The following FLRT1 variants were observed in gnomAD, a reference collection of about 807,000 sequenced individuals.
FLRT1 encodes fibronectin leucine rich transmembrane protein 1, also known as leucine-rich repeat transmembrane protein FLRT1.
Under a neutral mutation model 30.9 loss-of-function variants are expected in FLRT1, and 14 were observed. The ratio of observed to expected loss-of-function variants is 0.45; its 90% CI spans 0.30 to 0.71. FLRT1 has a LOEUF of 0.71. Among genes scored for constraint, FLRT1 ranks in the 30% least tolerant of loss-of-function variants. FLRT1 has a pLI of 0.08. For missense variants in FLRT1, 737 were observed against 949.2 expected (o/e 0.78, Z 2.94); for synonymous variants, 368 against 430.4 (o/e 0.85, Z 1.80).
Position 64,117,113 on chromosome 11 carries a change from C to A in FLRT1, c.846C>A (p.Ile282=). The change falls in exon 3 of 3, where the codon ATC becomes ATA. Residue 282 remains isoleucine, a synonymous_variant. Transcript: ENST00000682287. ...AGCTCTACCTGCAGGACAATGCCAT[C>A]AGCCACATCCCCTACAACACGCTGG... ...LQKLYLQDNA[I]SHIPYNTLAK... 6.2e-7 allele frequency: 1 copy of A among 1,608,796 alleles called. No individual in the cohort carries two copies. Among genetic ancestry groups the A allele is most frequent in the Non-Finnish European group, 8.5e-7 (1 of 1,177,552 alleles).
chr11:64,114,432 A>AATGG (rs141357642), intron 2 of FLRT1, among the ~76,000 whole-genome samples: 77 of 112,376 alleles, frequency 6.9e-4, no homozygotes, highest in African/African-American at 2.1e-3. Flanking sequence ...GGGATGGTTG[A>AATGG]ATGGATGGAT....
At chr11:64,110,224 C>A (rs1360168220) in intron 2 of FLRT1, among the ~76,000 whole-genome samples, 1 of 152,052 alleles carries the variant, frequency 6.6e-6, no homozygotes, top group African/African-American at 2.4e-5. Context: ...CTGAAGTGGG[C>A]AGATTGCTTG....
chr11:64,055,959 C>T (rs1005125095), intron 1 of FLRT1, among the ~76,000 whole-genome samples: 64 of 152,304 alleles, frequency 4.2e-4, no homozygotes, highest in East Asian at 1.9e-3. Context: ...TATCAGCACC[C>T]GGGGAGCTCC....
intron 1 of FLRT1, among the ~76,000 whole-genome samples, chr11:64,083,307 G>C (rs1944335518): frequency 6.6e-6 from 1 of 152,116 alleles, no homozygotes; most frequent in Non-Finnish European, 1.5e-5. Context: ...ATGGTGGTGG[G>C]CACCTATAGT....
rs545633028 is a variant in FLRT1, at chr11:64,090,169, C to A, written c.-1037-13025C>A. On this transcript the variant is annotated intron_variant, in intron 1 of 2. Transcript: ENST00000682287. This position sits in a 1 kb window ranked among gnomAD's most constrained non-coding sequence, Gnocchi z 4.7. Reference sequence around the variant, plus strand: ...ACTCATCTCTGCCTGTCTTCCCAGGCCCCAGGTTTCAGGCCCCGAACAGCC... The same window carrying A: ...ACTCATCTCTGCCTGTCTTCCCAGGACCCAGGTTTCAGGCCCCGAACAGCC... Among the ~76,000 whole-genome samples the A allele has an allele frequency of 3.6e-3, 553 of 152,286 alleles. 1 individual carries two copies. Among genetic ancestry groups the A allele is most frequent in the Admixed American group, 6.1e-3 (94 of 15,296 alleles).
At chr11:64,078,159 T>C (rs1291930826) in intron 1 of FLRT1, among the ~76,000 whole-genome samples, 1 of 152,158 alleles carries the variant, frequency 6.6e-6, no homozygotes, top group African/African-American at 2.4e-5. Flanking sequence ...TCAACCCTCC[T>C]TGTGCCCAGC....
intron 2 of FLRT1, among the ~76,000 whole-genome samples, chr11:64,106,836 C>T (rs546807222): frequency 1.2e-4 from 18 of 152,300 alleles, no homozygotes; most frequent in Middle Eastern, 3.4e-3. Flanking sequence ...AGACCTTTAG[C>T]CCCTCTCCTT....
chr11:64,048,623 C>T (rs914861925), intron 1 of FLRT1, among the ~76,000 whole-genome samples: 1 of 152,206 alleles, frequency 6.6e-6, no homozygotes, highest in Admixed American at 6.5e-5. Flanking sequence ...TCTTACTGTT[C>T]CTGCCGCTAA....
At chr11:64,084,194 T>TC (rs1944353625) in intron 1 of FLRT1, among the ~76,000 whole-genome samples, 1 of 151,974 alleles carries the variant, frequency 6.6e-6, no homozygotes, top group Admixed American at 6.5e-5. Flanking sequence ...TGCCTCCCCC[T>TC]CCTCTCAGCC....
intron 1 of FLRT1, among the ~76,000 whole-genome samples, chr11:64,051,442 C>G (rs1357925405): frequency 6.6e-6 from 1 of 152,192 alleles, no homozygotes; most frequent in African/African-American, 2.4e-5. Context: ...CCCACCCTCC[C>G]CAGGGTGGCA....
At chr11:64,066,691 T>G (rs1199238068) in intron 1 of FLRT1, among the ~76,000 whole-genome samples, 1 of 152,040 alleles carries the variant, frequency 6.6e-6, no homozygotes, top group Admixed American at 6.5e-5. Context: ...TTCTGAGATG[T>G]CTGCCTGCAA....
chr11:64,073,064 G>C (rs1373332167), intron 1 of FLRT1, among the ~76,000 whole-genome samples: 1 of 152,216 alleles, frequency 6.6e-6, no homozygotes, highest in Non-Finnish European at 1.5e-5. Flanking sequence ...TGACGGCACA[G>C]AGCCACTTGT....
chr11:64,056,294 T>C (rs1157037647), intron 1 of FLRT1, among the ~76,000 whole-genome samples: 3 of 152,058 alleles, frequency 2.0e-5, no homozygotes, highest in Non-Finnish European at 4.4e-5. Flanking sequence ...GGGTCCCTGC[T>C]GCAGCCCCTA....
chr11:64,117,736 C>G lies in FLRT1; in HGVS notation c.1469C>G (p.Thr490Arg), dbSNP rs113441416. Residue 490 changes from threonine to arginine, a missense_variant, in exon 3 of 3, where the codon ACA (threonine) becomes AGA (arginine). Coordinates refer to ENST00000682287, the MANE Select transcript of FLRT1 (RefSeq NM_013280.5). The part of the protein sequence containing the change: ...ITETLVQGDK[T>R]EYLLTALEPK... Reference sequence around the variant, plus strand: ...GAGACCTTGGTGCAGGGGGACAAGACAGAGTACCTGCTGACAGCCCTGGAG... The same window carrying G: ...GAGACCTTGGTGCAGGGGGACAAGAGAGAGTACCTGCTGACAGCCCTGGAG... 2.5e-6 allele frequency: 4 copies of G among 1,613,902 alleles called. No individual in the cohort carries two copies. Among genetic ancestry groups the G allele is most frequent in the African/African-American group, 2.7e-5 (2 of 75,072 alleles).
At chr11:64,113,214 G>A (rs951028854) in intron 2 of FLRT1, among the ~76,000 whole-genome samples, 2 of 152,202 alleles carry the variant, frequency 1.3e-5, no homozygotes, top group Non-Finnish European at 2.9e-5. Context: ...TTGTTGGGAG[G>A]GTTAAATGAC....
chr11:64,093,156 G>T (rs535754817), intron 1 of FLRT1, among the ~76,000 whole-genome samples: 1 of 152,328 alleles, frequency 6.6e-6, no homozygotes, highest in South Asian at 2.1e-4. Flanking sequence ...TAATAACAGT[G>T]CCTGTGCATT....
At chr11:64,052,568 C>T (rs1943714016) in intron 1 of FLRT1, among the ~76,000 whole-genome samples, 1 of 152,200 alleles carries the variant, frequency 6.6e-6, no homozygotes, top group African/African-American at 2.4e-5. Flanking sequence ...TTCCACTCCT[C>T]ACCCGCTGCT....
chr11:64,050,435 G>A (rs1284211235), intron 1 of FLRT1, among the ~76,000 whole-genome samples: 2 of 152,218 alleles, frequency 1.3e-5, no homozygotes, highest in African/African-American at 4.8e-5. Context: ...GACAGTGGTG[G>A]GGACCCAGAT....
At chr11:64,098,372 T>A (rs1007548349) in intron 1 of FLRT1, among the ~76,000 whole-genome samples, 5 of 152,226 alleles carry the variant, frequency 3.3e-5, no homozygotes, top group African/African-American at 1.2e-4. Context: ...AGTCTTCACA[T>A]AGGCTGTTCC....
Sources: allele counts gnomAD v4.1 joint callset (sites outside exome capture counted in the v4.1 genomes callset), GRCh38; gene constraint gnomAD v4.1.1; non-coding constraint Gnocchi (gnomAD v3.1); transcripts MANE v1.5; gene names NCBI Gene and HGNC (gene_info 2026-07-23, HGNC 2026-07-21).